The following MYO10 variants were observed in gnomAD, a reference collection of about 807,000 sequenced individuals.
MYO10 encodes the protein myosin X, also known as unconventional myosin-X.
MYO10 carries 133 observed loss-of-function variants against 257.3 expected under a neutral mutation model. The ratio of observed to expected loss-of-function variants is 0.52; its 90% CI spans 0.45 to 0.60. The LOEUF (loss-of-function observed/expected upper bound fraction) is 0.60. MYO10 is among the 20% of genes least tolerant of loss of function. The probability of loss-of-function intolerance (pLI) is 0.00; values close to 1 mark genes in which losing one functional copy is unlikely to be tolerated. For synonymous variants in MYO10, 1,104 were observed against 1,028.6 expected, an observed-to-expected ratio of 1.07 and a Z score of -1.40; for missense variants, 2,399 against 2,635.7, an observed-to-expected ratio of 0.91 and a Z score of 1.97.
intron 2 of MYO10, among the ~76,000 whole-genome samples, chr5:16,819,942 T>C (rs776481900): frequency 6.6e-6 from 1 of 152,194 alleles, no homozygotes; most frequent in Admixed American, 6.5e-5. Context: ...ACCCGTCTCT[T>C]ATGAAGAAAA....
intron 19 of MYO10, among the ~76,000 whole-genome samples, chr5:16,728,188 G>A (rs539894762): frequency 1.6e-4 from 25 of 152,220 alleles, no homozygotes; most frequent in Admixed American, 3.9e-4. Flanking sequence ...TGCACCTGCC[G>A]CTCCAACTTC....
chr5:16,824,586 C>T (rs1742946302), intron 2 of MYO10, among the ~76,000 whole-genome samples: 1 of 152,132 alleles, frequency 6.6e-6, no homozygotes, highest in African/African-American at 2.4e-5. Flanking sequence ...AAACATCTTT[C>T]AGCCGGGCGC....
chr5:16,681,202 T>C (rs1736981670), intron 32 of MYO10, 107 bp downstream of exon 32: 11 of 1,219,064 alleles, frequency 9.0e-6, no homozygotes, highest in Non-Finnish European at 1.1e-5. Context: ...GACAACTTCT[T>C]TGGGGGGAAA....
chr5:16,764,843 C>T (rs1222640637), intron 11 of MYO10, among the ~76,000 whole-genome samples: 1 of 152,094 alleles, frequency 6.6e-6, no homozygotes, highest in Non-Finnish European at 1.5e-5. Flanking sequence ...CATGTGCCAC[C>T]ACACCTGGTT....
intron 14 of MYO10, 28 bp from the exon 15 acceptor site, chr5:16,762,665 TA>T: frequency 6.6e-7 from 1 of 1,524,900 alleles, no homozygotes; most frequent in Non-Finnish European, 8.9e-7. Context: ...AAAAATGAAT[TA>T]AAAGTTGAAT....
intron 2 of MYO10, among the ~76,000 whole-genome samples, chr5:16,870,001 G>A (rs1007315848): frequency 5.9e-5 from 9 of 151,282 alleles, no homozygotes; most frequent in Non-Finnish European, 1.0e-4. Context: ...GATCTCACAC[G>A]AAACAATACA....
intron 1 of MYO10, among the ~76,000 whole-genome samples, chr5:16,886,348 C>G (rs1298151432): frequency 1.3e-5 from 2 of 152,138 alleles, no homozygotes; most frequent in Non-Finnish European, 2.9e-5. Context: ...GGCTGGAGAA[C>G]AATTATAGAC....
chr5:16,915,695 C>T (rs1037774848), intron 1 of MYO10, among the ~76,000 whole-genome samples: 1 of 152,166 alleles, frequency 6.6e-6, no homozygotes, highest in African/African-American at 2.4e-5. Flanking sequence ...GTGGCTCACG[C>T]CTACAATCCC....
intron 17 of MYO10, among the ~76,000 whole-genome samples, chr5:16,760,149 CT>C (rs1429509945): frequency 1.3e-5 from 2 of 151,866 alleles, no homozygotes; most frequent in Non-Finnish European, 2.9e-5. Context: ...CTTACAAAGC[CT>C]CCTAAAAATA....
intron 2 of MYO10, among the ~76,000 whole-genome samples, chr5:16,863,886 T>G (rs1307576745): frequency 6.6e-6 from 1 of 152,116 alleles, no homozygotes; most frequent in Non-Finnish European, 1.5e-5. Flanking sequence ...TCATTGCAGC[T>G]CAGGAGTTCG....
At chr5:16,847,011 G>A (rs182795129) in intron 2 of MYO10, among the ~76,000 whole-genome samples, 29 of 152,202 alleles carry the variant, frequency 1.9e-4, no homozygotes, top group African/African-American at 2.2e-4. Context: ...CCAGCTATGC[G>A]GGAGGTTACG....
At chr5:16,791,383 A>C (rs1273548457) in intron 4 of MYO10, among the ~76,000 whole-genome samples, 5 of 152,200 alleles carry the variant, frequency 3.3e-5, no homozygotes, top group African/African-American at 2.4e-5. Flanking sequence ...TGAGAAATCT[A>C]TTCTTAAAGT....
chr5:16,931,451 C>A (rs1402298762), intron 1 of MYO10, among the ~76,000 whole-genome samples: 1 of 152,134 alleles, frequency 6.6e-6, no homozygotes, highest in African/African-American at 2.4e-5. Flanking sequence ...CAGTGAGGGA[C>A]CTGCCCATGC....
intron 3 of MYO10, among the ~76,000 whole-genome samples, chr5:16,809,615 G>A (rs543664044): frequency 1.3e-5 from 2 of 152,298 alleles, no homozygotes; most frequent in African/African-American, 4.8e-5. Context: ...AGTTAATTCA[G>A]AAGCAACATC....
rs765561441 is a variant in MYO10 at position 16,673,874 on chromosome 5, A to C, written c.4980T>G (p.Phe1660Leu). 1.2e-6 allele frequency: 2 copies of C among 1,613,976 alleles called. No homozygotes were observed. Among genetic ancestry groups the C allele is most frequent in the East Asian group, 4.5e-5 (2 of 44,876 alleles). ...CGTATTTTTCCATCTCGCTTCCTGG[A>C]AACTGTTCCCGTATCCTAGGAGGCA... is the stretch of plus-strand genomic sequence containing the variant. ...KFHLKRIREQFPGSEMEKYAL... is the reference protein window; with the variant it reads ...KFHLKRIREQLPGSEMEKYAL... Residue 1660 changes from phenylalanine (F) to leucine (L), a missense_variant, in exon 36 of 41, where the codon TTT becomes TTG. Around this residue, in one of 3 missense-constraint regions of MYO10, gnomAD observed 1,820 missense variants for 1,939.4 expected, o/e 0.94. Coordinates refer to ENST00000513610, the MANE Select transcript of MYO10 (RefSeq NM_012334.3).
At position 16,701,471 on chromosome 5, in the gene MYO10, G is replaced by T; in HGVS notation, c.2924C>A (p.Ala975Glu). ...SEFSSELAES[A>E]CEEKPNFNFS... is the part of the protein sequence containing the mutation. ...GTTGAAGTTGGGCTTCTCCTCGCAT[G>T]CGCTCTCAGCCAGCTCGCTGGAAAA... The change falls in exon 25 of 41, where the codon GCA (alanine) becomes GAA (glutamate). Residue 975 changes from alanine (A) to glutamate (E), a missense_variant. Around this residue, in one of 3 missense-constraint regions of MYO10, gnomAD observed 1,820 missense variants for 1,939.4 expected, o/e 0.94. Transcript: ENST00000513610. The surrounding 1 kb of genome is among the most constrained non-coding windows in gnomAD (Gnocchi z 8.1). 4 of 1,613,956 alleles carry T rather than the reference G, an allele frequency of 2.5e-6. No individual in the cohort carries two copies. The highest frequency in any genetic ancestry group is 3.4e-6 in the Non-Finnish European group (4 of 1,179,886).
intron 9 of MYO10, among the ~76,000 whole-genome samples, chr5:16,773,068 A>G (rs535502206): frequency 6.6e-6 from 1 of 152,364 alleles, no homozygotes; most frequent in South Asian, 2.1e-4. Context: ...TTATGTGTTC[A>G]TTATATCTCA....
intron 3 of MYO10, among the ~76,000 whole-genome samples, chr5:16,816,337 C>CAAA (rs369557076): frequency 0.14 from 14,352 of 105,866 alleles, 834 homozygotes; most frequent in South Asian, 0.26. Context: ...GACTCTGTCT[C>CAAA]AAAAAAAAAA....
chr5:16,888,452 G>C (rs1255062976), intron 1 of MYO10, among the ~76,000 whole-genome samples: 1 of 151,814 alleles, frequency 6.6e-6, no homozygotes, highest in Admixed American at 6.6e-5. Flanking sequence ...AAAATTAGCT[G>C]GGTGTGGTGG....
Sources: allele counts gnomAD v4.1 joint callset (sites outside exome capture counted in the v4.1 genomes callset), GRCh38; gene constraint gnomAD v4.1.1; regional missense constraint gnomAD v4.1.1; non-coding constraint Gnocchi (gnomAD v3.1); transcripts MANE v1.5; gene names NCBI Gene and HGNC (gene_info 2026-07-23, HGNC 2026-07-21).